GCKR: variants seen among roughly 807,000 people sequenced by gnomAD.
GCKR encodes the protein glucokinase regulatory protein.
In GCKR, 73 loss-of-function variants were observed where a neutral mutation model predicts 82.9. The observed-to-expected ratio is 0.88, with a 90% CI of 0.73 to 1.07. The LOEUF (loss-of-function observed/expected upper bound fraction) is 1.07, where lower values mean the gene tolerates loss of function less well. Ranked by LOEUF, GCKR falls within the 50% of genes least tolerant of loss-of-function variation. The pLI, the probability that GCKR is intolerant of heterozygous loss-of-function variation, is 0.00. For synonymous variants in GCKR, 294 were observed against 291.8 expected (o/e 1.01, Z -0.08); for missense variants, 784 against 782.1 (o/e 1.00, Z -0.03).
At chr2:27,499,306 T>G in intron 6 of GCKR, 91 bp from the exon 7 acceptor site, 1 of 1,342,848 alleles carries the variant, frequency 7.4e-7, no homozygotes, top group Admixed American at 1.7e-5. Context: ...ATTTCCTCCC[T>G]CCCCTGTTCC....
chr2:27,507,706 A>T lies in GCKR; in HGVS notation c.1169A>T (p.Glu390Val). The T allele has an allele frequency of 6.2e-7, 1 of 1,606,700 alleles. No individual in the cohort carries two copies. The highest frequency in any genetic ancestry group is 2.2e-5 in the East Asian group (1 of 44,860). The part of the protein sequence containing the change: ...NQGPQFTFSQ[E>V]DFLTSILPSL... ...GGTCCCCAGTTCACCTTCTCCCAGGAGGACTTCCTGACTTCCATCCTTCCC... is the reference window on the plus strand; with the variant it reads ...GGTCCCCAGTTCACCTTCTCCCAGGTGGACTTCCTGACTTCCATCCTTCCC... The change falls in exon 14 of 19, where the codon GAG becomes GTG. Residue 390 changes from glutamate to valine, a missense_variant. By Grantham distance (121) the Glu-to-Val change is moderately radical. Transcript: ENST00000264717.
At chr2:27,521,308 AGGTCAG>A (rs1179069057) in intron 17 of GCKR, among the ~76,000 whole-genome samples, 1 of 151,862 alleles carries the variant, frequency 6.6e-6, no homozygotes, top group Non-Finnish European at 1.5e-5. Context: ...GCAGATCACA[AGGTCAG>A]GAGAAATAGG....
chr2:27,513,907 ATTTGTG>A (rs1669944648), intron 16 of GCKR, among the ~76,000 whole-genome samples: 2 of 135,960 alleles, frequency 1.5e-5, no homozygotes, highest in African/African-American at 5.9e-5. Flanking sequence ...TATTATTTGC[ATTTGTG>A]TGTGTGTGTG....
In GCKR at chr2:27,505,840, G is replaced by T; in HGVS notation, c.869+4G>T. The T allele has an allele frequency of 7.1e-7, 1 of 1,414,378 alleles. No homozygotes were observed. Among genetic ancestry groups the T allele is most frequent in the Non-Finnish European group, 1.0e-6 (1 of 997,472 alleles). 87.6% of individuals were successfully genotyped at this position (1,414,378 alleles called of 1,614,324 possible). On this transcript the variant is annotated splice_donor_region_variant and intron_variant, in intron 10 of 18. Transcript: ENST00000264717. ...AGGGCATTGCAGCATCTCAAAGGTA[G>T]GGAGGATCTGGATAAGAGAGAGCTC...
chr2:27,498,655 G>A (rs1446963254), intron 4 of GCKR, 69 bp from the exon 5 acceptor site: 24 of 927,174 alleles, frequency 2.6e-5, no homozygotes, highest in Non-Finnish European at 4.2e-5. Context: ...TGCCCTCTAG[G>A]AGTTGAAAAT....
chr2:27,497,542 T>A lies in GCKR; in HGVS notation c.217-20T>A, dbSNP rs567668861. ...TCGTCCTCCTTTTCTTGGCTTCTCA[T>A]TCCTGCATATTCCCTACAGAGACTC... On this transcript the variant is annotated intron_variant, in intron 2 of 18. Transcript: ENST00000264717. The A allele has an allele frequency of 6.2e-7, 1 of 1,601,266 alleles. No individual in the cohort carries two copies. Among genetic ancestry groups the A allele is most frequent in the Non-Finnish European group, 8.6e-7 (1 of 1,168,208 alleles).
chr2:27,511,891 A>G (rs926206166), intron 16 of GCKR, among the ~76,000 whole-genome samples: 6 of 152,102 alleles, frequency 3.9e-5, no homozygotes, highest in Admixed American at 3.3e-4. Flanking sequence ...AGATTCATCA[A>G]TTATTAACAT....
chr2:27,517,001 G>A (rs1183428475), intron 16 of GCKR, among the ~76,000 whole-genome samples: 2 of 147,288 alleles, frequency 1.4e-5, no homozygotes, highest in Admixed American at 6.9e-5. Flanking sequence ...CTAGGACCAC[G>A]TGTATTAGTA....
rs1670169974 is a variant in GCKR at position 27,522,366 on chromosome 2, G to C, written c.1573-94G>C. 11 of 1,294,994 alleles carry C rather than the reference G, an allele frequency of 8.5e-6. No homozygotes were observed. The South Asian group carries it at 1.3e-4, about 15-fold the overall frequency. 80.2% of individuals were successfully genotyped at this position (1,294,994 alleles called of 1,614,324 possible). A position where few individuals can be genotyped will look rare whatever the true frequency, so the allele number is the denominator to read the frequency against. ...TCTATAGCCAGGCCTCGGGATCCCA[G>C]CCTCTCACTCTCATAGTTTATTCTT... On this transcript the variant is annotated intron_variant, in intron 17 of 18. Coordinates refer to ENST00000264717, the MANE Select transcript of GCKR (RefSeq NM_001486.4).
intron 10 of GCKR, among the ~76,000 whole-genome samples, chr2:27,506,128 T>G (rs543395524): frequency 6.6e-5 from 10 of 152,084 alleles, no homozygotes; most frequent in Middle Eastern, 3.4e-3. Context: ...GATTTGGGGG[T>G]GGTCCAGGCC....
rs8179230 is a variant in GCKR, at chr2:27,515,412, A to T, written c.1423-3376A>T. On this transcript the variant is annotated intron_variant, in intron 16 of 18. Coordinates refer to ENST00000264717, the MANE Select transcript of GCKR (RefSeq NM_001486.4). ...CACCTCAGCCTCCCGAGTGACTGGG[A>T]CTACAGGCGCTTGCCACCATGCCTA... Among the ~76,000 whole-genome samples the T allele has an allele frequency of 5.9e-3, 902 of 151,598 alleles. 12 individuals are homozygous for T. Among genetic ancestry groups the T allele is most frequent in the African/African-American group, 0.02 (841 of 41,254 alleles).
chr2:27,512,230 C>T (rs1454416679), intron 16 of GCKR, among the ~76,000 whole-genome samples: 1 of 92,872 alleles, frequency 1.1e-5, no homozygotes, highest in Non-Finnish European at 2.0e-5. Context: ...CACAAGACTC[C>T]ATCTCAAAAA....
In GCKR at chr2:27,510,071, C is replaced by T. The variant is rs893034792; in HGVS notation, c.1422+1820C>T. ...TCACCCAGACTGGAGTGCAGTGGCG[C>T]GATCTCCGCTCACTGCAAGCTCTGT... On this transcript the variant is annotated intron_variant, in intron 16 of 18. Transcript: ENST00000264717. Among the ~76,000 whole-genome samples, 17 of 151,480 alleles carry T rather than the reference C, an allele frequency of 1.1e-4. 1 individual carries two copies. Among genetic ancestry groups the T allele is most frequent in the African/African-American group, 3.4e-4 (14 of 41,174 alleles).
Position 27,508,872 on chromosome 2 carries a change from C to T in GCKR, c.1422+621C>T, listed in dbSNP as rs1488527635. ...CATTATCCAAAAGCTTTTACCACACCTTTTTTTTTTTTGCAAGTTTACTAT... is the reference window on the plus strand; with the variant it reads ...CATTATCCAAAAGCTTTTACCACACTTTTTTTTTTTTTGCAAGTTTACTAT... On this transcript the variant is annotated intron_variant, in intron 16 of 18. Transcript: ENST00000264717. 3.4e-5 allele frequency among the ~76,000 whole-genome samples: 5 copies of T among 145,352 alleles called. No individual in the cohort carries two copies. In the East Asian group the frequency reaches 9.9e-4, roughly 29 times the overall value.
intron 11 of GCKR, 50 bp from the exon 12 acceptor site, chr2:27,506,738 G>C: frequency 8.1e-7 from 1 of 1,239,868 alleles, no homozygotes. Flanking sequence ...GACATCTCTG[G>C]CCTCTTTGCA....
chr2:27,521,131 C>T (rs993503345), intron 17 of GCKR, among the ~76,000 whole-genome samples: 7 of 152,076 alleles, frequency 4.6e-5, no homozygotes, highest in African/African-American at 1.7e-4. Context: ...TTTCAAAATA[C>T]AAAATCCGAA....
chr2:27,499,029 C>A, intron 5 of GCKR, 113 bp from the exon 6 acceptor site: 1 of 759,942 alleles, frequency 1.3e-6, no homozygotes, highest in Non-Finnish European at 2.4e-6. Flanking sequence ...ACTGTGGGTG[C>A]TCATTCAATG....
chr2:27,507,646 C>A, intron 13 of GCKR, 35 bp from the exon 14 acceptor site: 2 of 1,150,222 alleles, frequency 1.7e-6, no homozygotes, highest in Non-Finnish European at 2.6e-6. Flanking sequence ...AGAGTGTTTT[C>A]ATGGGAGGGA....
At chr2:27,504,450 C>T (rs567605180) in intron 9 of GCKR, among the ~76,000 whole-genome samples, 259 of 151,976 alleles carry the variant, frequency 1.7e-3, no homozygotes, top group African/African-American at 6.0e-3. Flanking sequence ...CTCTGCTCCC[C>T]TAGTTCAAGC....
Sources: gnomAD v4.1 joint callset for allele counts (sites outside exome capture counted in the v4.1 genomes callset) on GRCh38, gnomAD v4.1.1 for gene constraint, MANE v1.5 for transcripts, NCBI Gene and HGNC (gene_info 2026-07-23, HGNC 2026-07-21) for gene names.